The following ATRX variants were observed in gnomAD, a reference collection of about 807,000 sequenced individuals.
The protein encoded by ATRX is ATRX chromatin remodeler.
Under a neutral mutation model 172.6 loss-of-function variants are expected in ATRX, and 12 were observed. The observed-to-expected ratio is 0.07, with a 90% CI of 0.04 to 0.11. The LOEUF is 0.11. Among genes scored for constraint, ATRX ranks in the 10% least tolerant of loss-of-function variants. ATRX has a pLI of 1.00. For missense variants in ATRX, 1,368 were observed against 1,767.4 expected (o/e 0.77, Z 4.05); for synonymous variants, 674 against 594.7 (o/e 1.13, Z -1.94).
chrX:77,590,002 TA>T, intron 26 of ATRX, 62 bp from the exon 27 acceptor site: 1 of 920,634 alleles, frequency 1.1e-6, no homozygotes, highest in Non-Finnish European at 1.5e-6. Flanking sequence ...CACTTCTTCC[TA>T]AATCGATCTA....
intron 22 of ATRX, chrX:77,615,916 A>T: frequency 2.7e-5 from 20 of 737,255 alleles, no homozygotes; most frequent in Non-Finnish European, 3.2e-5. Flanking sequence ...GGGGAAAGGT[A>T]CCAGAATAAG....
chrX:77,516,819 C>A (rs1420218140), intron 34 of ATRX, among the ~76,000 whole-genome samples: 2 of 111,391 alleles, frequency 1.8e-5, no homozygotes, highest in African/African-American at 6.5e-5. Flanking sequence ...AAGGAAAGAC[C>A]ATATATTAGG....
At chrX:77,598,969 A>G (rs1557085396) in intron 25 of ATRX, among the ~76,000 whole-genome samples, 1 of 111,975 alleles carries the variant, frequency 8.9e-6, no homozygotes, top group Non-Finnish European at 1.9e-5. Context: ...AACTACAATC[A>G]CACTTGATTA....
At chrX:77,657,785 C>T (rs1012424057) in intron 12 of ATRX, among the ~76,000 whole-genome samples, 18 of 112,048 alleles carry the variant, frequency 1.6e-4, no homozygotes, top group African/African-American at 5.5e-4. Context: ...AGGATATATG[C>T]ATGGTCACAA....
intron 2 of ATRX, among the ~76,000 whole-genome samples, chrX:77,710,906 A>G (rs1249841208): frequency 9.7e-6 from 1 of 102,785 alleles, no homozygotes; most frequent in Non-Finnish European, 2.0e-5. Context: ...GAATCAACCC[A>G]GGTAAAAAAA....
At chrX:77,627,611 T>C (rs5912177) in intron 19 of ATRX, among the ~76,000 whole-genome samples, 54,266 of 104,798 alleles carry the variant, frequency 0.52, 12,859 homozygotes, top group Non-Finnish European at 0.69. Flanking sequence ...TTGGGTAACA[T>C]AGTGAGATCC....
intron 1 of ATRX, among the ~76,000 whole-genome samples, chrX:77,738,238 G>C (rs2074686463): frequency 9.3e-6 from 1 of 107,870 alleles, no homozygotes; most frequent in Admixed American, 1.0e-4. Context: ...AGGAGGCTGA[G>C]GTGGGAAGAT....
chrX:77,683,040 T>G lies in ATRX; in HGVS notation c.2216A>C (p.Lys739Thr). 8.3e-7 allele frequency: 1 copy of G among 1,210,638 alleles called. No homozygotes were observed. The highest frequency in any genetic ancestry group is 1.1e-6 in the Non-Finnish European group (1 of 894,654). The change falls in exon 9 of 35, where the codon AAA (lysine) becomes ACA (threonine). Residue 739 changes from lysine to threonine, a missense_variant. Lys to Thr is a moderately conservative substitution (Grantham distance 78, BLOSUM62 -1). Coordinates refer to ENST00000373344, the MANE Select transcript of ATRX (RefSeq NM_000489.6). Reference protein sequence around the residue: ...SDSDEMLAILKEVSRMSHSSS... With the variant: ...SDSDEMLAILTEVSRMSHSSS... ...ACTGTGACTCATCCTGCTCACCTCTTTGAGGATTGCTAGCATTTCATCAGA... is the reference window on the plus strand; with the variant it reads ...ACTGTGACTCATCCTGCTCACCTCTGTGAGGATTGCTAGCATTTCATCAGA...
Position 77,616,441 on chromosome X carries a change from T to C in ATRX, c.5566+172A>G, listed in dbSNP as rs782576652. 1.4e-4 allele frequency: 156 copies of C among 1,134,360 alleles called. 1 individual carries two copies. In the South Asian group the frequency reaches 2.9e-3, roughly 21 times the overall value. The allele number at this position is 1,134,360 out of a possible 1,213,427, so 93.5% of individuals were successfully genotyped here. ...ATCAATTTGCTTCTTGATTTTAATTTTGACAGCATCAGTGTTTTAATTAGA... is the reference window on the plus strand; with the variant it reads ...ATCAATTTGCTTCTTGATTTTAATTCTGACAGCATCAGTGTTTTAATTAGA... On this transcript the variant is annotated intron_variant, in intron 22 of 34. Coordinates refer to ENST00000373344, the MANE Select transcript of ATRX (RefSeq NM_000489.6).
Position 77,508,422 on chromosome X carries a change from G to A in ATRX, c.7408C>T (p.Pro2470Ser), listed in dbSNP as rs2147646833. 3.3e-6 allele frequency: 4 copies of A among 1,211,526 alleles called. No homozygotes were observed. Among genetic ancestry groups the A allele is most frequent in the Non-Finnish European group, 3.4e-6 (3 of 895,231 alleles). The change falls in exon 35 of 35, where the codon CCA becomes TCA. Residue 2470 changes from proline to serine, a missense_variant. Physicochemically the swap from Pro to Ser is moderately conservative, Grantham distance 74. Around this residue, in one of 17 missense-constraint regions of ATRX, gnomAD observed 100 missense variants for 153.9 expected, o/e 0.65. Transcript: ENST00000373344. ...YQPVAGGMQP[P>S]PLQRAPPPMR... ...GGGGGTGGTGCACGCTGTAATGGTGGTGGCTGCATACCACCAGCCACTGGC... is the reference window on the plus strand; with the variant it reads ...GGGGGTGGTGCACGCTGTAATGGTGATGGCTGCATACCACCAGCCACTGGC...
intron 1 of ATRX, among the ~76,000 whole-genome samples, chrX:77,767,519 C>T (rs1462595275): frequency 9.1e-6 from 1 of 109,707 alleles, no homozygotes; most frequent in African/African-American, 3.3e-5. Flanking sequence ...CCTCAGCCTC[C>T]CAAGTAGCTG....
chrX:77,544,198 T>G (rs911668373), intron 30 of ATRX, among the ~76,000 whole-genome samples: 11 of 111,320 alleles, frequency 9.9e-5, no homozygotes, highest in Non-Finnish European at 1.9e-4. Flanking sequence ...AATTGGTAAA[T>G]CTAGCGGATG....
intron 1 of ATRX, among the ~76,000 whole-genome samples, chrX:77,747,994 G>A (rs2075150416): frequency 9.0e-6 from 1 of 111,227 alleles, no homozygotes; most frequent in African/African-American, 3.3e-5. Context: ...TGATAAAGAA[G>A]GGGAGAAGAA....
At chrX:77,774,295 A>G in intron 1 of ATRX, among the ~76,000 whole-genome samples, 1 of 111,632 alleles carries the variant, frequency 9.0e-6, no homozygotes, top group East Asian at 2.8e-4. Context: ...ATTAGATGGT[A>G]GATCAGAAAA....
At chrX:77,680,269 T>C (rs1371428919) in intron 9 of ATRX, among the ~76,000 whole-genome samples, 1 of 112,037 alleles carries the variant, frequency 8.9e-6, no homozygotes, top group Non-Finnish European at 1.9e-5. Flanking sequence ...GAAGTTACAA[T>C]AGCCACACAA....
intron 13 of ATRX, among the ~76,000 whole-genome samples, chrX:77,655,623 T>A (rs1557119509): frequency 9.1e-6 from 1 of 110,089 alleles, no homozygotes; most frequent in Non-Finnish European, 1.9e-5. Context: ...TATAGAGTGG[T>A]GTTTGTTGCA....
At chrX:77,724,440 C>G (rs781995407) in intron 1 of ATRX, among the ~76,000 whole-genome samples, 1 of 108,366 alleles carries the variant, frequency 9.2e-6, no homozygotes, top group Admixed American at 1.0e-4. Flanking sequence ...CTATGTTGAC[C>G]AAGCTGGTCT....
rs1395145902 is a variant in ATRX, at chrX:77,682,835, T to C, written c.2421A>G (p.Lys807=). Residue 807 remains lysine, a synonymous_variant, in exon 9 of 35, where the codon AAA becomes AAG. Coordinates refer to ENST00000373344, the MANE Select transcript of ATRX (RefSeq NM_000489.6). The stretch of plus-strand genomic sequence containing the variant: ...TAGAAGACTCAGACTGGGTTTGTCG[T>C]TTCTTTTTAGAAATTATAGAGCTCT... ...SAKSSIISKK[K]RQTQSESSNY... 8.3e-7 allele frequency: 1 copy of C among 1,205,874 alleles called. No homozygotes were observed. Among genetic ancestry groups the C allele is most frequent in the Non-Finnish European group, 1.1e-6 (1 of 894,207 alleles).
At chrX:77,613,989 A>C (rs2067259542) in intron 22 of ATRX, among the ~76,000 whole-genome samples, 1 of 112,003 alleles carries the variant, frequency 8.9e-6, no homozygotes, top group Non-Finnish European at 1.9e-5. Flanking sequence ...ACTAAGAAAA[A>C]TTAAGAGGAT....
Sources: allele counts gnomAD v4.1 joint callset (sites outside exome capture counted in the v4.1 genomes callset), GRCh38; gene constraint gnomAD v4.1.1; regional missense constraint gnomAD v4.1.1; transcripts MANE v1.5; gene names NCBI Gene and HGNC (gene_info 2026-07-23, HGNC 2026-07-21).